Variants in PGR observed in about 807,000 individuals in gnomAD.
PGR encodes progesterone receptor.
PGR carries 25 observed loss-of-function variants against 76.1 expected under a neutral mutation model. That is an observed-to-expected ratio of 0.33 (90% CI 0.24 to 0.46). The LOEUF (loss-of-function observed/expected upper bound fraction) is 0.46. PGR is among the 20% of genes least tolerant of loss of function. The pLI, the probability that PGR is intolerant of heterozygous loss-of-function variation, is 1.00. For missense variants in PGR, 1,172 were observed against 1,225.3 expected (o/e 0.96, Z 0.65); for synonymous variants, 579 against 535.0 (o/e 1.08, Z -1.14).
In PGR at chr11:101,035,378, A is replaced by G. The variant is rs1225515236; in HGVS notation, c.*3738T>C. 4.3e-6 allele frequency: 1 copy of G among 231,002 alleles called. No individual in the cohort carries two copies. Among genetic ancestry groups the G allele is most frequent in the African/African-American group, 2.2e-5 (1 of 45,226 alleles). 14.3% of individuals were successfully genotyped at this position (231,002 alleles called of 1,614,324 possible). On this transcript the variant is annotated 3_prime_UTR_variant, in exon 8 of 8. Coordinates refer to ENST00000325455, the MANE Select transcript of PGR (RefSeq NM_000926.4). The stretch of plus-strand genomic sequence containing the variant: ...TATGGATGAGAGAAACTGCTCAGGT[A>G]TTCACAGCAAAAACTAAAAATGTAA...
rs1358024437 is a variant in PGR, at chr11:101,030,481, C to G, written c.*8635G>C. The G allele has an allele frequency of 4.3e-6, 1 of 231,116 alleles. No homozygotes were observed. The highest frequency in any genetic ancestry group is 6.1e-5 in the East Asian group (1 of 16,292). 14.3% of individuals were successfully genotyped at this position (231,116 alleles called of 1,614,324 possible). A position where few individuals can be genotyped will look rare whatever the true frequency, so the allele number is the denominator to read the frequency against. On this transcript the variant is annotated 3_prime_UTR_variant, in exon 8 of 8. Transcript: ENST00000325455. ...ATGGATAGATGAAGAGTCTCACCCT[C>G]TTGACAGAAAACCTCATATGAATAC...
chr11:101,048,560 T>C (rs1197896252), intron 6 of PGR, among the ~76,000 whole-genome samples: 2 of 152,126 alleles, frequency 1.3e-5, no homozygotes, highest in African/African-American at 4.8e-5. Flanking sequence ...AAGTGTTTTG[T>C]ATCTAAACAC....
At chr11:101,050,092 C>T in intron 5 of PGR, 33 bp from the exon 6 acceptor site, 1 of 1,608,430 alleles carries the variant, frequency 6.2e-7, no homozygotes, top group Non-Finnish European at 8.5e-7. Context: ...AAAGAAAAAG[C>T]AACAGGAAAA....
intron 3 of PGR, among the ~76,000 whole-genome samples, chr11:101,080,641 T>G (rs1026306858): frequency 6.6e-6 from 1 of 152,086 alleles, no homozygotes; most frequent in Non-Finnish European, 1.5e-5. Context: ...CTAACCAAGA[T>G]GGAAACTCAG....
chr11:101,087,452 A>C (rs1861534121), intron 3 of PGR, among the ~76,000 whole-genome samples: 1 of 152,230 alleles, frequency 6.6e-6, no homozygotes, highest in Admixed American at 6.5e-5. Context: ...TAAAGATTTA[A>C]ATATAACACC....
chr11:101,127,755 A>C lies in PGR; in HGVS notation c.1316T>G (p.Val439Gly), dbSNP rs200761902. The C allele has an allele frequency of 6.4e-7, 1 of 1,553,496 alleles. No homozygotes were observed. Among genetic ancestry groups the C allele is most frequent in the Non-Finnish European group, 8.6e-7 (1 of 1,156,708 alleles). ...TGAGGCACTGGCGGGTGCGGCCGTC[A>C]CCGCCGCTTCCCCGGGTCTGGATGG... Reference protein sequence around the residue: ...ATPSRPGEAAVTAAPASASVS... With the variant: ...ATPSRPGEAAGTAAPASASVS... The change falls in exon 1 of 8, where the codon GTG becomes GGG. Residue 439 changes from valine to glycine, a missense_variant. Val to Gly is a moderately radical substitution (Grantham distance 109, BLOSUM62 -3). This residue lies in a region of PGR where 893 missense variants were observed against 785.9 expected (regional missense o/e 1.14). Coordinates refer to ENST00000325455, the MANE Select transcript of PGR (RefSeq NM_000926.4).
Position 101,128,514 on chromosome 11 carries a change from G to T in PGR, c.557C>A (p.Pro186His). The change falls in exon 1 of 8, where the codon CCC becomes CAC. Residue 186 changes from proline (P) to histidine (H), a missense_variant. Pro to His is a moderately conservative substitution (Grantham distance 77). This residue lies in a region of PGR where 893 missense variants were observed against 785.9 expected (regional missense o/e 1.14). Coordinates refer to ENST00000325455, the MANE Select transcript of PGR (RefSeq NM_000926.4). ...SGTAAAHKVL[P>H]RGLSPARQLL... The stretch of plus-strand genomic sequence containing the variant: ...CTGCCGGGCTGGTGACAGGCCCCGG[G>T]GCAGCACTTTATGGGCAGCTGCCGT... 6.2e-7 allele frequency: 1 copy of T among 1,603,192 alleles called. No individual in the cohort carries two copies.
At chr11:101,070,429 GT>G (rs1352679835) in intron 3 of PGR, among the ~76,000 whole-genome samples, 12 of 152,046 alleles carry the variant, frequency 7.9e-5, no homozygotes, top group East Asian at 1.9e-4. Context: ...AGCTGCAGGA[GT>G]TTTTTTTCAT....
At chr11:101,073,574 G>A (rs1020131240) in intron 3 of PGR, among the ~76,000 whole-genome samples, 4 of 151,316 alleles carry the variant, frequency 2.6e-5, no homozygotes, top group African/African-American at 4.9e-5. Flanking sequence ...TAACAAAGTA[G>A]ATAGACCACT....
intron 2 of PGR, among the ~76,000 whole-genome samples, chr11:101,109,646 T>C (rs978601801): frequency 6.6e-6 from 1 of 152,122 alleles, no homozygotes; most frequent in African/African-American, 2.4e-5. Context: ...GCCATTCCCA[T>C]AACACAAAAG....
At position 101,065,549 on chromosome 11, in the gene PGR, A is replaced by T. The variant is rs186233992; in HGVS notation, c.1907-2797T>A. ...AAAAAGTACTCTGAATTCAGTGACT[A>T]GACAATGGCAAAAAGTACTCTGAAT... On this transcript the variant is annotated intron_variant, in intron 3 of 7. Transcript: ENST00000325455. Among the ~76,000 whole-genome samples, 19 of 152,258 alleles carry T rather than the reference A, an allele frequency of 1.2e-4. No individual in the cohort carries two copies. The East Asian group carries it at 3.3e-3, about 26-fold the overall frequency.
rs1862308789 is a variant in PGR, at chr11:101,110,414, T to C, written c.1789+15593A>G. On this transcript the variant is annotated intron_variant, in intron 2 of 7. Coordinates refer to ENST00000325455, the MANE Select transcript of PGR (RefSeq NM_000926.4). ...ACCCTTATAGATGACTTTGAGGGAT[T>C]CAAGACTTCATGGAGGAAGTAACTG... Among the ~76,000 whole-genome samples the C allele has an allele frequency of 2.0e-5, 3 of 152,190 alleles. No individual in the cohort carries two copies. The South Asian group carries it at 6.2e-4, about 32-fold the overall frequency.
At chr11:101,067,975 A>T (rs571225056) in intron 3 of PGR, among the ~76,000 whole-genome samples, 6 of 152,154 alleles carry the variant, frequency 3.9e-5, no homozygotes, top group Admixed American at 1.3e-4. Flanking sequence ...CAAATTAAAG[A>T]TATAGAGGTT....
intron 2 of PGR, among the ~76,000 whole-genome samples, chr11:101,105,476 C>A (rs1862124194): frequency 2.0e-5 from 3 of 148,480 alleles, no homozygotes; most frequent in Admixed American, 6.8e-5. Flanking sequence ...TTTAAAGAAT[C>A]CTATTTGGTA....
chr11:101,126,833 C>T (rs535683857), intron 1 of PGR, among the ~76,000 whole-genome samples: 68 of 152,252 alleles, frequency 4.5e-4, no homozygotes, highest in African/African-American at 1.6e-3. Flanking sequence ...GCGTTTAAAT[C>T]CACAGTTTAA....
Position 101,127,786 on chromosome 11 carries a change from C to G in PGR, c.1285G>C (p.Ala429Pro). 1 of 1,564,048 alleles carries G rather than the reference C, an allele frequency of 6.4e-7. No homozygotes were observed. Among genetic ancestry groups the G allele is most frequent in the Admixed American group, 1.9e-5 (1 of 53,694 alleles). ...LGPPPPLPPR[A>P]TPSRPGEAAV... ...GCTTCCCCGGGTCTGGATGGGGTCG[C>G]TCGCGGCGGCAGCGGGGGCGGTGGC... Residue 429 changes from alanine (A) to proline (P), a missense_variant, in exon 1 of 8, where the codon GCG becomes CCG. Ala to Pro is a conservative substitution (Grantham distance 27, BLOSUM62 -1). This residue lies in a region of PGR where 893 missense variants were observed against 785.9 expected (regional missense o/e 1.14). Coordinates refer to ENST00000325455, the MANE Select transcript of PGR (RefSeq NM_000926.4).
intron 2 of PGR, among the ~76,000 whole-genome samples, chr11:101,101,886 C>T (rs944557398): frequency 7.9e-5 from 12 of 152,204 alleles, no homozygotes; most frequent in South Asian, 4.2e-4. Flanking sequence ...AGAGAATTCA[C>T]GTATACAGAA....
intron 2 of PGR, among the ~76,000 whole-genome samples, chr11:101,120,081 T>C (rs895927787): frequency 3.3e-5 from 5 of 152,350 alleles, no homozygotes; most frequent in East Asian, 1.9e-4. Context: ...CATCAAGATA[T>C]GTTAGCAGAA....
In PGR at chr11:101,094,693, T is replaced by A. The variant is rs867418623; in HGVS notation, c.1790-2817A>T. 2.7e-4 allele frequency among the ~76,000 whole-genome samples: 41 copies of A among 152,322 alleles called. No individual in the cohort carries two copies. The Middle Eastern group carries it at 0.017, about 63-fold the overall frequency. On this transcript the variant is annotated intron_variant, in intron 2 of 7. Transcript: ENST00000325455. Reference sequence around the variant, plus strand: ...GAATTGTATTATTAGAGAAATTATATAAGAACGTAAGGAAATTCAAAACAG... The same window carrying A: ...GAATTGTATTATTAGAGAAATTATAAAAGAACGTAAGGAAATTCAAAACAG...
Sources: allele counts gnomAD v4.1 joint callset (sites outside exome capture counted in the v4.1 genomes callset), GRCh38; gene constraint gnomAD v4.1.1; regional missense constraint gnomAD v4.1.1; transcripts MANE v1.5; gene names NCBI Gene and HGNC (gene_info 2026-07-23, HGNC 2026-07-21).